The following UGGT2 variants were observed in gnomAD, a reference collection of about 807,000 sequenced individuals.
UGGT2 encodes the protein UDP-glucose glycoprotein glucosyltransferase 2, also known as UDP-glucose:glycoprotein glucosyltransferase 2.
UGGT2 carries 180 observed loss-of-function variants against 192.1 expected under a neutral mutation model. The ratio of observed to expected loss-of-function variants is 0.94; its 90% CI spans 0.83 to 1.06. The LOEUF is 1.06. UGGT2 is among the 50% of genes least tolerant of loss of function. The probability of loss-of-function intolerance (pLI) is 0.00; values close to 1 mark genes in which losing one functional copy is unlikely to be tolerated. For missense variants in UGGT2, 1,849 were observed against 1,795.7 expected (o/e 1.03, Z -0.54); for synonymous variants, 580 against 591.0 (o/e 0.98, Z 0.27).
In UGGT2 at chr13:96,018,457, A is replaced by C. The variant is rs1364694543; in HGVS notation, c.485+4583T>G. 2.0e-5 allele frequency among the ~76,000 whole-genome samples: 3 copies of C among 152,222 alleles called. 1 individual carries two copies. The highest frequency in any genetic ancestry group is 4.1e-4 in the South Asian group (2 of 4,834). On this transcript the variant is annotated intron_variant, in intron 4 of 38. Coordinates refer to ENST00000376747, the MANE Select transcript of UGGT2 (RefSeq NM_020121.4). ...CTTGAGCCTGGGAAGCAGAAGTTGC[A>C]GTAAGCCAAGACTGCACCACTGCAC...
intron 20 of UGGT2, among the ~76,000 whole-genome samples, chr13:95,922,944 G>A (rs1463568375): frequency 6.6e-6 from 1 of 152,214 alleles, no homozygotes. Flanking sequence ...ACACTGTGAT[G>A]TGACAGATCC....
At chr13:96,031,204 A>G (rs1335106829) in intron 2 of UGGT2, among the ~76,000 whole-genome samples, 1 of 152,184 alleles carries the variant, frequency 6.6e-6, no homozygotes, top group African/African-American at 2.4e-5. Flanking sequence ...ATGAACTTAG[A>G]ACTACTCTAA....
At chr13:95,866,629 T>C (rs1303899069) in intron 30 of UGGT2, among the ~76,000 whole-genome samples, 1 of 152,158 alleles carries the variant, frequency 6.6e-6, no homozygotes, top group Non-Finnish European at 1.5e-5. Flanking sequence ...AAAATAGAGC[T>C]AGTTTATTGT....
chr13:95,994,043 T>C lies in UGGT2; in HGVS notation c.830+2020A>G, dbSNP rs567782754. Among the ~76,000 whole-genome samples, 141 of 152,204 alleles carry C rather than the reference T, an allele frequency of 9.3e-4. 1 individual carries two copies. Among genetic ancestry groups the C allele is most frequent in the African/African-American group, 3.2e-3 (134 of 41,562 alleles). ...AATGGTAATCTGTAGTACAGAAAAT[T>C]TGAGTAATAAACGTTTTCTTTTCTT... On this transcript the variant is annotated intron_variant, in intron 7 of 38. Coordinates refer to ENST00000376747, the MANE Select transcript of UGGT2 (RefSeq NM_020121.4).
chr13:95,946,686 A>T (rs2049882820), intron 15 of UGGT2, among the ~76,000 whole-genome samples: 1 of 152,122 alleles, frequency 6.6e-6, no homozygotes, highest in African/African-American at 2.4e-5. Flanking sequence ...TGATCTCTTT[A>T]ATCAAAGCCT....
intron 31 of UGGT2, among the ~76,000 whole-genome samples, chr13:95,862,169 A>G (rs1197025423): frequency 1.3e-5 from 2 of 152,134 alleles, no homozygotes; most frequent in East Asian, 3.8e-4. Context: ...CAAAGCACAC[A>G]CTGTACAGTA....
chr13:95,892,647 T>C (rs1019368957), intron 24 of UGGT2, among the ~76,000 whole-genome samples: 4 of 152,176 alleles, frequency 2.6e-5, no homozygotes, highest in Admixed American at 1.3e-4. Flanking sequence ...ATCTATAAAA[T>C]AGGTCAAGTA....
At chr13:95,847,208 T>A (rs1216940969) in intron 36 of UGGT2, among the ~76,000 whole-genome samples, 1 of 152,116 alleles carries the variant, frequency 6.6e-6, no homozygotes, top group Non-Finnish European at 1.5e-5. Flanking sequence ...ATTTCCCATA[T>A]ACTCACTGTT....
chr13:95,961,170 TAAAG>T (rs960931537), intron 12 of UGGT2, among the ~76,000 whole-genome samples: 1 of 151,756 alleles, frequency 6.6e-6, no homozygotes, highest in Admixed American at 6.6e-5. Flanking sequence ...ACACAATTGT[TAAAG>T]AGAGAGAGAG....
chr13:95,989,991 T>G lies in UGGT2; in HGVS notation c.913A>C (p.Lys305Gln). ...IESNKQMMPL[K>Q]VWELQDLSFQ... ...ACTATACCTTGTAGTTCCCAGACTT[T>G]CAAAGGCATCATTTGTTTGTTACTC... The change falls in exon 8 of 39, where the codon AAA (lysine) becomes CAA (glutamine). Residue 305 changes from lysine to glutamine, a missense_variant. Coordinates refer to ENST00000376747, the MANE Select transcript of UGGT2 (RefSeq NM_020121.4). 1.9e-6 allele frequency: 3 copies of G among 1,607,764 alleles called. No homozygotes were observed. The South Asian group carries it at 3.3e-5, about 18-fold the overall frequency.
chr13:95,890,667 C>G (rs982101774), intron 25 of UGGT2, among the ~76,000 whole-genome samples, 195 bp downstream of exon 25: 1 of 152,128 alleles, frequency 6.6e-6, no homozygotes, highest in Non-Finnish European at 1.5e-5. Context: ...CAGTTCACAG[C>G]AACACCTAAC....
At position 95,927,633 on chromosome 13, in the gene UGGT2, G is replaced by T. The variant is rs564819283; in HGVS notation, c.1978-297C>A. Among the ~76,000 whole-genome samples the T allele has an allele frequency of 3.5e-3, 522 of 150,134 alleles. 5 individuals carry two copies. Among genetic ancestry groups the T allele is most frequent in the African/African-American group, 0.012 (493 of 40,586 alleles). The stretch of plus-strand genomic sequence containing the variant: ...ATTAATTAACTCACTGAATTTTTTT[G>T]TTTGTTTGTTTGTTTGCTTTTTTGT... On this transcript the variant is annotated intron_variant, in intron 17 of 38. Transcript: ENST00000376747.
chr13:95,851,338 A>G (rs1307853488), intron 36 of UGGT2, among the ~76,000 whole-genome samples: 2 of 152,208 alleles, frequency 1.3e-5, no homozygotes, highest in African/African-American at 4.8e-5. Flanking sequence ...AAGCTAAGAG[A>G]CAGAGATAAG....
Position 95,830,107 on chromosome 13 carries a change from T to C in UGGT2, c.4528+2820A>G, listed in dbSNP as rs914726336. Among the ~76,000 whole-genome samples, 9 of 152,352 alleles carry C rather than the reference T, an allele frequency of 5.9e-5. No individual in the cohort carries two copies. In the East Asian group the frequency reaches 1.2e-3, roughly 20 times the overall value. ...GAAAGCTGAAACTGGATCCCTTCCT[T>C]ACATCTTATAGAAAAATTAATTCAA... is the stretch of plus-strand genomic sequence containing the variant. On this transcript the variant is annotated intron_variant, in intron 38 of 38. Transcript: ENST00000376747.
At chr13:95,905,147 G>GT (rs869178559) in intron 20 of UGGT2, among the ~76,000 whole-genome samples, 1 of 151,542 alleles carries the variant, frequency 6.6e-6, no homozygotes, top group Non-Finnish European at 1.5e-5. Context: ...GGGGTTGTTT[G>GT]TTTTTTTCGT....
At position 95,986,447 on chromosome 13, in the gene UGGT2, A is replaced by T; in HGVS notation, c.932-15T>A. 1.3e-6 allele frequency: 2 copies of T among 1,530,832 alleles called. No individual in the cohort carries two copies. Among genetic ancestry groups the T allele is most frequent in the Non-Finnish European group, 1.8e-6 (2 of 1,110,496 alleles). 94.8% of individuals were successfully genotyped at this position (1,530,832 alleles called of 1,614,324 possible). ...AAAACTAAGATCTGGAAGGAAAAAT[A>T]TTATTAAGGAATCTAGCATAATATT... On this transcript the variant is annotated splice_polypyrimidine_tract_variant and intron_variant, in intron 8 of 38. Transcript: ENST00000376747.
chr13:95,922,736 T>C (rs1045723315), intron 20 of UGGT2, among the ~76,000 whole-genome samples: 6 of 151,918 alleles, frequency 3.9e-5, no homozygotes, highest in African/African-American at 9.7e-5. Flanking sequence ...GGTGGGAGGA[T>C]TGCTTGAGCC....
At chr13:95,843,658 G>A (rs1480876276) in intron 36 of UGGT2, among the ~76,000 whole-genome samples, 2 of 151,962 alleles carry the variant, frequency 1.3e-5, no homozygotes, top group African/African-American at 2.4e-5. Flanking sequence ...TTAGGGTTTA[G>A]AGGTTTTTGG....
intron 5 of UGGT2, 54 bp downstream of exon 5, chr13:96,013,250 CATA>C (rs2052221003): frequency 1.4e-6 from 2 of 1,466,972 alleles, no homozygotes; most frequent in East Asian, 2.5e-5. Flanking sequence ...AGACGATTAT[CATA>C]ATAATTGTTT....
Sources: gnomAD v4.1 joint callset for allele counts (sites outside exome capture counted in the v4.1 genomes callset) on GRCh38, gnomAD v4.1.1 for gene constraint, MANE v1.5 for transcripts, NCBI Gene and HGNC (gene_info 2026-07-23, HGNC 2026-07-21) for gene names.